LRMDA: variants seen among roughly 807,000 people sequenced by gnomAD.
LRMDA encodes leucine rich melanocyte differentiation associated.
A neutral mutation model predicts 29.8 loss-of-function variants in LRMDA; 18 were observed. That is an observed-to-expected ratio of 0.60 (90% confidence interval 0.42 to 0.90). LRMDA has a LOEUF of 0.90. LRMDA is among the 40% of genes least tolerant of loss of function. The pLI, the probability that LRMDA is intolerant of heterozygous loss-of-function variation, is 0.00. For synonymous variants in LRMDA, 125 were observed against 109.4 expected (o/e 1.14, Z -0.89); for missense variants, 273 against 273.9 (o/e 1.00, Z 0.02).
chr10:75,496,958 G>T (rs1208422563), intron 2 of LRMDA, among the ~76,000 whole-genome samples: 1 of 151,708 alleles, frequency 6.6e-6, no homozygotes, highest in Non-Finnish European at 1.5e-5. Context: ...CTCCCCTCAG[G>T]AATCCTAGAT....
chr10:75,807,557 A>T (rs1352782282), intron 2 of LRMDA, among the ~76,000 whole-genome samples: 5 of 152,198 alleles, frequency 3.3e-5, no homozygotes, highest in Admixed American at 3.3e-4. Context: ...ACAAACTTTT[A>T]CTTTAAAGGC....
At chr10:76,224,978 T>A (rs1289387089) in intron 5 of LRMDA, among the ~76,000 whole-genome samples, 3 of 152,158 alleles carry the variant, frequency 2.0e-5, no homozygotes, top group Non-Finnish European at 4.4e-5. Flanking sequence ...GGTTCTGTTA[T>A]GACTCCATCT....
chr10:75,676,645 C>T (rs1841963470), intron 2 of LRMDA, among the ~76,000 whole-genome samples: 1 of 152,182 alleles, frequency 6.6e-6, no homozygotes, highest in African/African-American at 2.4e-5. Flanking sequence ...TTTGGCTGTG[C>T]ATGGCCACAC....
intron 2 of LRMDA, among the ~76,000 whole-genome samples, chr10:75,667,364 G>A (rs376351098): frequency 7.9e-5 from 12 of 152,254 alleles, no homozygotes; most frequent in African/African-American, 2.9e-4. Context: ...GAGTGCAGTG[G>A]CACGATCATG....
chr10:76,409,264 A>G (rs573323362), intron 6 of LRMDA, among the ~76,000 whole-genome samples: 1 of 152,230 alleles, frequency 6.6e-6, no homozygotes, highest in Admixed American at 6.5e-5. Context: ...AGAATATTTT[A>G]TTTTGTAGTT....
chr10:75,572,815 C>G (rs149949723), intron 2 of LRMDA, among the ~76,000 whole-genome samples: 1 of 152,084 alleles, frequency 6.6e-6, no homozygotes, highest in Non-Finnish European at 1.5e-5. Flanking sequence ...GAGGCCATAA[C>G]GGTGGAGCCC....
At chr10:76,075,182 C>T (rs2132073339) in intron 5 of LRMDA, among the ~76,000 whole-genome samples, 1 of 152,274 alleles carries the variant, frequency 6.6e-6, no homozygotes, top group South Asian at 2.1e-4. Context: ...ATGTTGATGC[C>T]CTCACCTCAG....
intron 5 of LRMDA, among the ~76,000 whole-genome samples, chr10:76,146,956 G>T (rs1453289826): frequency 1.1e-4 from 16 of 152,126 alleles, no homozygotes; most frequent in Admixed American, 1.0e-3. Flanking sequence ...GCTTAGTTTG[G>T]CAGGATATGA....
chr10:75,801,356 T>G (rs989460366), intron 2 of LRMDA, among the ~76,000 whole-genome samples: 1 of 152,240 alleles, frequency 6.6e-6, no homozygotes, highest in Non-Finnish European at 1.5e-5. Flanking sequence ...CTGAAGCTTT[T>G]TCTTGAGTTC....
rs150209316 is a variant in LRMDA at position 76,247,381 on chromosome 10, A to G, written c.517-77020A>G. ...GGGCGAGGTAGTCTGGCTATTAACC[A>G]TGAAACCCTATGGAGTGAGCTTAGT... On this transcript the variant is annotated intron_variant, in intron 5 of 6. Transcript: ENST00000611255. Among the ~76,000 whole-genome samples the G allele has an allele frequency of 7.1e-3, 1,076 of 152,288 alleles. 3 individuals carry two copies. The highest frequency in any genetic ancestry group is 0.011 in the Non-Finnish European group (718 of 68,022).
intron 2 of LRMDA, among the ~76,000 whole-genome samples, chr10:75,870,799 G>A (rs972077873): frequency 6.6e-6 from 1 of 152,008 alleles, no homozygotes; most frequent in East Asian, 1.9e-4. Context: ...GCAAAATTGT[G>A]ATATTTACCC....
chr10:76,159,666 G>T (rs1206119549), intron 5 of LRMDA, among the ~76,000 whole-genome samples: 1 of 152,130 alleles, frequency 6.6e-6, no homozygotes, highest in African/African-American at 2.4e-5. Context: ...GAAATAAACT[G>T]GGGTACATGC....
Position 76,226,412 on chromosome 10 carries a change from G to A in LRMDA, c.517-97989G>A, listed in dbSNP as rs193187877. Among the ~76,000 whole-genome samples the A allele has an allele frequency of 5.7e-3, 865 of 151,810 alleles. 6 individuals carry two copies. Among genetic ancestry groups the A allele is most frequent in the Non-Finnish European group, 9.5e-3 (644 of 67,934 alleles). On this transcript the variant is annotated intron_variant, in intron 5 of 6. Transcript: ENST00000611255. ...AGCCTGGCCAACACAGTGAAACTCC[G>A]TCTCTACTAATAATACAAAAATTAG...
chr10:76,026,196 C>T (rs949898619), intron 2 of LRMDA, among the ~76,000 whole-genome samples: 17 of 152,158 alleles, frequency 1.1e-4, no homozygotes, highest in Admixed American at 5.2e-4. Context: ...TAATTGAGGA[C>T]GTACAATGAA....
chr10:75,777,736 T>C lies in LRMDA; in HGVS notation c.132-258272T>C, dbSNP rs565216643. On this transcript the variant is annotated intron_variant, in intron 2 of 6. Coordinates refer to ENST00000611255, the MANE Select transcript of LRMDA (RefSeq NM_001305581.2). ...CTAGTTCTGTGATTTGGGGCAGGTT[T>C]CTCTGGGTTTGTTTCCTCCTTGTAA... Among the ~76,000 whole-genome samples, 15 of 152,312 alleles carry C rather than the reference T, an allele frequency of 9.8e-5. No homozygotes were observed. The South Asian group carries it at 3.1e-3, about 32-fold the overall frequency.
intron 2 of LRMDA, among the ~76,000 whole-genome samples, chr10:75,715,312 A>G (rs1470743887): frequency 6.6e-6 from 1 of 152,196 alleles, no homozygotes; most frequent in African/African-American, 2.4e-5. Flanking sequence ...ATTTATTTCA[A>G]TCATTTTTCC....
At chr10:75,512,967 A>G (rs1845242864) in intron 2 of LRMDA, among the ~76,000 whole-genome samples, 1 of 152,114 alleles carries the variant, frequency 6.6e-6, no homozygotes, top group African/African-American at 2.4e-5. Context: ...TTACCATATC[A>G]GTTGTTATGT....
intron 6 of LRMDA, among the ~76,000 whole-genome samples, chr10:76,464,138 C>T (rs1163170966): frequency 6.6e-6 from 1 of 151,890 alleles, no homozygotes; most frequent in Non-Finnish European, 1.5e-5. Context: ...AGGGTGGTCT[C>T]AAACTCCCCT....
chr10:76,198,232 G>A (rs535732611), intron 5 of LRMDA, among the ~76,000 whole-genome samples: 1 of 152,198 alleles, frequency 6.6e-6, no homozygotes, highest in Non-Finnish European at 1.5e-5. Context: ...AAACTTTACT[G>A]TGCCTAGAAA....
Sources: allele counts gnomAD v4.1 joint callset (sites outside exome capture counted in the v4.1 genomes callset), GRCh38; gene constraint gnomAD v4.1.1; transcripts MANE v1.5; gene names NCBI Gene and HGNC (gene_info 2026-07-23, HGNC 2026-07-21).